MAF: variants seen among roughly 807,000 people sequenced by gnomAD.
The protein encoded by MAF is MAF bZIP transcription factor.
In MAF, 10 loss-of-function variants were observed where a neutral mutation model predicts 22.0. That is an observed-to-expected ratio of 0.45 (90% CI 0.28 to 0.77). The LOEUF is 0.77. Ranked by LOEUF, MAF falls within the 30% of genes least tolerant of loss-of-function variation. MAF has a pLI of 0.12. For missense variants in MAF, 544 were observed against 548.4 expected (o/e 0.99, Z 0.08); for synonymous variants, 337 against 255.8 (o/e 1.32, Z -3.03).
chr16:79,469,887 G>A, the MAF span, among the ~76,000 whole-genome samples: 1 of 152,132 alleles, frequency 6.6e-6, no homozygotes, highest in Non-Finnish European at 1.5e-5. Context: ...GAGCCACCGC[G>A]CCTGGCCTAC....
At chr16:79,254,877 G>T in the MAF span, among the ~76,000 whole-genome samples, 1 of 152,104 alleles carries the variant, frequency 6.6e-6, no homozygotes, top group African/African-American at 2.4e-5. Flanking sequence ...TTCTGAGTTC[G>T]TCAACTTGTC....
the MAF span, among the ~76,000 whole-genome samples, chr16:79,360,121 G>A: frequency 6.6e-5 from 10 of 152,288 alleles, no homozygotes; most frequent in African/African-American, 2.2e-4. Context: ...GTCCATGAGA[G>A]AGCTATCATG....
At chr16:79,521,664 T>C in the MAF span, among the ~76,000 whole-genome samples, 1 of 152,198 alleles carries the variant, frequency 6.6e-6, no homozygotes, top group Non-Finnish European at 1.5e-5. Context: ...CGCAGCCACA[T>C]CTTTCCAGTG....
At chr16:79,208,570 C>G in the MAF span, among the ~76,000 whole-genome samples, 366 of 152,162 alleles carry the variant, frequency 2.4e-3, 4 homozygotes, top group African/African-American at 8.0e-3. Context: ...GCATTATGAA[C>G]TGATGCCCCA....
the MAF span, among the ~76,000 whole-genome samples, chr16:79,267,202 A>G: frequency 2.0e-5 from 3 of 152,340 alleles, no homozygotes; most frequent in South Asian, 4.1e-4. Flanking sequence ...AGTTCTGTCC[A>G]TGAAGATTCA....
the MAF span, among the ~76,000 whole-genome samples, chr16:79,548,253 G>T: frequency 6.6e-6 from 1 of 152,018 alleles, no homozygotes; most frequent in Non-Finnish European, 1.5e-5. Flanking sequence ...TCTAAGTACG[G>T]ATGTTTAAAG....
the MAF span, among the ~76,000 whole-genome samples, chr16:79,394,267 C>T: frequency 2.0e-5 from 3 of 152,128 alleles, no homozygotes; most frequent in Admixed American, 6.5e-5. Context: ...TTCCTTCTTG[C>T]GGCAGCTTGA....
At chr16:79,435,319 T>C in the MAF span, among the ~76,000 whole-genome samples, 2 of 152,304 alleles carry the variant, frequency 1.3e-5, no homozygotes, top group African/African-American at 2.4e-5. Context: ...ACACAGATTC[T>C]TCTTTGAAAT....
At chr16:79,520,365 C>T in the MAF span, among the ~76,000 whole-genome samples, 4 of 152,160 alleles carry the variant, frequency 2.6e-5, no homozygotes, top group African/African-American at 9.7e-5. Flanking sequence ...ATCTCCTCTG[C>T]AGCCATATGA....
chr16:79,208,642 A>G, the MAF span, among the ~76,000 whole-genome samples: 6 of 120,542 alleles, frequency 5.0e-5, no homozygotes, highest in East Asian at 1.3e-3. Flanking sequence ...TTTTTTTTTT[A>G]ATCAGTTTAA....
chr16:79,399,984 CACCATTTCAACTAAA>C, the MAF span, among the ~76,000 whole-genome samples: 13 of 69,692 alleles, frequency 1.9e-4, no homozygotes, highest in Non-Finnish European at 2.7e-4. Flanking sequence ...TAACCAAGAC[CACCATTTCAACTAAA>C]ACCATAATTG....
chr16:79,451,438 T>C, the MAF span, among the ~76,000 whole-genome samples: 1 of 152,220 alleles, frequency 6.6e-6, no homozygotes, highest in African/African-American at 2.4e-5. Context: ...CGTTTACCAA[T>C]GTCTCTGTCA....
In MAF at chr16:79,599,828, G is replaced by A. The variant is rs775611485; in HGVS notation, c.75C>T (p.Phe25=). Residue 25 remains phenylalanine (F), a synonymous_variant, in exon 1 of 2, where the codon TTC becomes TTT. Coordinates refer to ENST00000326043, the MANE Select transcript of MAF (RefSeq NM_005360.5). Reference sequence around the variant, plus strand: ...TTTTCACTTCAAACTTCATCAGATCGAAGTCATTAACATATTCCATGGCCA... The same window carrying A: ...TTTTCACTTCAAACTTCATCAGATCAAAGTCATTAACATATTCCATGGCCA... ...SPLAMEYVND[F]DLMKFEVKKE... is the part of the protein sequence containing the mutation. The A allele has an allele frequency of 1.9e-6, 3 of 1,612,362 alleles. No homozygotes were observed. The Admixed American group carries it at 5.0e-5, about 27-fold the overall frequency.
chr16:79,582,991 A>T (rs1254267727), downstream of MAF, among the ~76,000 whole-genome samples: 1 of 152,180 alleles, frequency 6.6e-6, no homozygotes, highest in Non-Finnish European at 1.5e-5. Context: ...TTTGTATGGC[A>T]CCACGTGGTT....
At chr16:79,485,328 C>T in the MAF span, among the ~76,000 whole-genome samples, 13 of 152,190 alleles carry the variant, frequency 8.5e-5, no homozygotes, top group East Asian at 1.9e-4. Context: ...CAAAGTCATA[C>T]GACAGCGATT....
At chr16:79,565,877 G>C in the MAF span, among the ~76,000 whole-genome samples, 9,681 of 152,200 alleles carry the variant, frequency 0.064, 375 homozygotes, top group Middle Eastern at 0.11. Flanking sequence ...TCTCCCACTT[G>C]ATAGATGAGG....
chr16:79,430,201 C>A, the MAF span, among the ~76,000 whole-genome samples: 1 of 152,168 alleles, frequency 6.6e-6, no homozygotes, highest in African/African-American at 2.4e-5. Flanking sequence ...AAAGGTAGCG[C>A]TTTGTTTACA....
the MAF span, among the ~76,000 whole-genome samples, chr16:79,504,437 G>C: frequency 6.6e-6 from 1 of 152,188 alleles, no homozygotes; most frequent in South Asian, 2.1e-4. Context: ...TAACTTCTTT[G>C]AGCCTATGCT....
chr16:79,230,929 A>G, the MAF span, among the ~76,000 whole-genome samples: 1 of 152,082 alleles, frequency 6.6e-6, no homozygotes, highest in African/African-American at 2.4e-5. Flanking sequence ...GCATACGCTA[A>G]TATTTCTCTG....
Sources: gnomAD v4.1 joint callset for allele counts (sites outside exome capture counted in the v4.1 genomes callset) on GRCh38, gnomAD v4.1.1 for gene constraint, MANE v1.5 for transcripts, NCBI Gene and HGNC (gene_info 2026-07-23, HGNC 2026-07-21) for gene names.